SCN9A: variants seen among roughly 807,000 people sequenced by gnomAD.
SCN9A encodes sodium voltage-gated channel alpha subunit 9, also known as sodium channel protein type 9 subunit alpha.
In SCN9A, 131 loss-of-function variants were observed where a neutral mutation model predicts 187.0. That is an observed-to-expected ratio of 0.70 (90% CI 0.61 to 0.81). SCN9A has a LOEUF of 0.81. Ranked by LOEUF, SCN9A falls within the 30% of genes least tolerant of loss-of-function variation. SCN9A has a pLI of 0.00. For synonymous variants in SCN9A, 809 were observed against 808.6 expected, an observed-to-expected ratio of 1.00 and a Z score of -0.01; for missense variants, 2,252 against 2,396.6, an observed-to-expected ratio of 0.94 and a Z score of 1.26.
intron 18 of SCN9A, chr2:166,248,135 C>T (rs980086335): frequency 5.9e-5 from 9 of 152,056 alleles, no homozygotes; most frequent in African/African-American, 1.9e-4. Context: ...TCAGTAAAAA[C>T]ATGCTACTTG....
chr2:166,284,452 C>G lies in SCN9A; in HGVS notation c.1974+1G>C, dbSNP rs759832491. 13 of 1,607,332 alleles carry G rather than the reference C, an allele frequency of 8.1e-6. No homozygotes were observed. The highest frequency in any genetic ancestry group is 1.1e-5 in the South Asian group (1 of 90,284). Reference sequence around the variant, plus strand: ...GCCTGAGCTATGTAAAACGTCCTTACGCTGTCATCAGAAGTTGCCTTATCT... The same window carrying G: ...GCCTGAGCTATGTAAAACGTCCTTAGGCTGTCATCAGAAGTTGCCTTATCT... On this transcript the variant is annotated splice_donor_variant, in intron 12 of 26. Coordinates refer to ENST00000642356, the MANE Select transcript of SCN9A (RefSeq NM_001365536.1). LOFTEE classifies it high-confidence loss of function.
intron 15 of SCN9A, 104 bp from the exon 16 acceptor site, chr2:166,277,443 A>C (rs1697286795): frequency 1.2e-5 from 8 of 670,832 alleles, no homozygotes; most frequent in Non-Finnish European, 2.0e-5. Context: ...AAGTCCTATA[A>C]TATTGTCATT....
At chr2:166,340,539 TCC>T (rs56999748) in intron 1 of SCN9A, among the ~76,000 whole-genome samples, 6,952 of 74,778 alleles carry the variant, frequency 0.093, 419 homozygotes, top group African/African-American at 0.23. Flanking sequence ...TTCTTTTCTT[TCC>T]CTTTCTTTCT....
chr2:166,233,993 C>CAAATAGTTCT (rs1240293912), intron 20 of SCN9A, among the ~76,000 whole-genome samples: 3 of 152,002 alleles, frequency 2.0e-5, no homozygotes, highest in Non-Finnish European at 4.4e-5. Context: ...AGATTAGCAC[C>CAAATAGTTCT]AAAGATCTAC....
intron 1 of SCN9A, among the ~76,000 whole-genome samples, chr2:166,321,683 G>C (rs1204863685): frequency 6.6e-6 from 1 of 151,698 alleles, no homozygotes; most frequent in East Asian, 1.9e-4. Context: ...AAACCAAAAA[G>C]GGTAAAAAAA....
intron 3 of SCN9A, among the ~76,000 whole-genome samples, 156 bp downstream of exon 3, chr2:166,306,800 T>C (rs1285644641): frequency 6.6e-6 from 1 of 152,154 alleles, no homozygotes; most frequent in Non-Finnish European, 1.5e-5. Context: ...CCCAGTCTTC[T>C]CTGAGACCCA....
chr2:166,337,442 C>T (rs564274418), intron 1 of SCN9A, among the ~76,000 whole-genome samples: 1 of 152,176 alleles, frequency 6.6e-6, no homozygotes, highest in African/African-American at 2.4e-5. Flanking sequence ...GAAATAGTAA[C>T]TTTGGAGACA....
intron 16 of SCN9A, among the ~76,000 whole-genome samples, chr2:166,275,396 C>CT (rs1697186684): frequency 6.6e-6 from 1 of 152,002 alleles, no homozygotes; most frequent in Admixed American, 6.6e-5. Context: ...ACCAGCCTGG[C>CT]CAACATGACG....
intron 2 of SCN9A, 66 bp downstream of exon 2, chr2:166,311,433 T>G: frequency 2.3e-6 from 3 of 1,323,174 alleles, no homozygotes; most frequent in Non-Finnish European, 2.9e-6. Context: ...CTAATCTCAA[T>G]TTAAAATAAT....
chr2:166,227,235 A>C (rs1694878619), intron 23 of SCN9A, among the ~76,000 whole-genome samples: 1 of 152,192 alleles, frequency 6.6e-6, no homozygotes, highest in Non-Finnish European at 1.5e-5. Context: ...ATACATTAAA[A>C]TTATTTTATT....
intron 9 of SCN9A, 95 bp from the exon 10 acceptor site, chr2:166,288,738 A>G: frequency 4.7e-6 from 4 of 859,106 alleles, no homozygotes; most frequent in Non-Finnish European, 6.9e-6. Flanking sequence ...ACAGTTTGGT[A>G]TAATCTCATG....
At position 166,305,778 on chromosome 2, in the gene SCN9A, C is replaced by G. The variant is rs1285241306; in HGVS notation, c.596+14G>C. The G allele has an allele frequency of 6.2e-7, 1 of 1,613,146 alleles. No individual in the cohort carries two copies. The highest frequency in any genetic ancestry group is 8.5e-7 in the Non-Finnish European group (1 of 1,179,418). On this transcript the variant is annotated intron_variant, in intron 5 of 26. Coordinates refer to ENST00000642356, the MANE Select transcript of SCN9A (RefSeq NM_001365536.1). Reference sequence around the variant, plus strand: ...TTCATAAATTTGCCGTTTCAAAAAGCTGAAAGTACTTACGCAAAAACAATG... The same window carrying G: ...TTCATAAATTTGCCGTTTCAAAAAGGTGAAAGTACTTACGCAAAAACAATG...
intron 19 of SCN9A, among the ~76,000 whole-genome samples, chr2:166,241,880 C>G (rs533348983): frequency 6.6e-6 from 1 of 152,162 alleles, no homozygotes; most frequent in Non-Finnish European, 1.5e-5. Flanking sequence ...TCCTACTCAA[C>G]TAACAGTCAA....
At chr2:166,353,814 C>T (rs547191791) in intron 1 of SCN9A, among the ~76,000 whole-genome samples, 194 of 152,262 alleles carry the variant, frequency 1.3e-3, no homozygotes, top group African/African-American at 4.4e-3. Context: ...TTTCTTTCAT[C>T]ACGCCTGTCT....
At chr2:166,368,614 C>T (rs1405332880) in intron 1 of SCN9A, among the ~76,000 whole-genome samples, 1 of 139,964 alleles carries the variant, frequency 7.1e-6, no homozygotes, top group Non-Finnish European at 1.5e-5. Flanking sequence ...GCCTGGGCAA[C>T]AGAGTGAAAC....
chr2:166,215,490 T>C (rs1694290824), intron 24 of SCN9A, among the ~76,000 whole-genome samples: 1 of 152,032 alleles, frequency 6.6e-6, no homozygotes, highest in Non-Finnish European at 1.5e-5. Context: ...AGTTGTTTTT[T>C]TGAAAAGATA....
At position 166,294,645 on chromosome 2, in the gene SCN9A, C is replaced by T. The variant is rs1186966667; in HGVS notation, c.919G>A (p.Glu307Lys). The change falls in exon 8 of 27, where the codon GAA becomes AAA. Residue 307 changes from glutamate (E) to lysine (K), a missense_variant. By Grantham distance (56) the Glu-to-Lys change is moderately conservative. Coordinates refer to ENST00000642356, the MANE Select transcript of SCN9A (RefSeq NM_001365536.1). ...EDFRKYFYYLEGSKDALLCGF... is the reference protein window; with the variant it reads ...EDFRKYFYYLKGSKDALLCGF... ...CAAAGGAGAGCATCTTTGGATCCTT[C>T]CAAGTAATAAAAATATTCTGTTGAA... is the stretch of plus-strand genomic sequence containing the variant. 1 of 1,606,764 alleles carries T rather than the reference C, an allele frequency of 6.2e-7. No homozygotes were observed. The highest frequency in any genetic ancestry group is 1.3e-5 in the African/African-American group (1 of 74,650).
chr2:166,285,610 C>CT (rs1432752209), intron 11 of SCN9A, among the ~76,000 whole-genome samples: 1 of 152,134 alleles, frequency 6.6e-6, no homozygotes, highest in African/African-American at 2.4e-5. Flanking sequence ...GGCAGGGACT[C>CT]TATCTTTTTT....
At chr2:166,317,377 C>A (rs1370488884) in intron 1 of SCN9A, among the ~76,000 whole-genome samples, 2 of 151,950 alleles carry the variant, frequency 1.3e-5, no homozygotes, top group Non-Finnish European at 2.9e-5. Flanking sequence ...ATTGTATCTT[C>A]TTTAGAATGA....
Sources: allele counts gnomAD v4.1 joint callset (sites outside exome capture counted in the v4.1 genomes callset), GRCh38; gene constraint gnomAD v4.1.1; transcripts MANE v1.5; gene names NCBI Gene and HGNC (gene_info 2026-07-23, HGNC 2026-07-21).